Variants in DAAM1 observed in about 807,000 individuals in gnomAD.
DAAM1 encodes the protein dishevelled associated activator of morphogenesis 1.
Under a neutral mutation model 130.0 loss-of-function variants are expected in DAAM1, and 52 were observed. That is an observed-to-expected ratio of 0.40 (90% CI 0.32 to 0.50). The LOEUF (loss-of-function observed/expected upper bound fraction) is 0.50. DAAM1 is among the 20% of genes least tolerant of loss of function. The pLI, the probability that DAAM1 is intolerant of heterozygous loss-of-function variation, is 0.61. For synonymous variants in DAAM1, 452 were observed against 444.5 expected (o/e 1.02, Z -0.21); for missense variants, 1,134 against 1,303.8 (o/e 0.87, Z 2.01).
chr14:59,306,082 G>GTTT (rs11458250), intron 3 of DAAM1, among the ~76,000 whole-genome samples: 2 of 150,056 alleles, frequency 1.3e-5, no homozygotes, highest in Admixed American at 6.6e-5. Context: ...CTTGACTGTT[G>GTTT]TTTTTTTTTT....
rs748721240 is a variant in DAAM1 at position 59,326,996 on chromosome 14, A to G, written c.1372+5A>G. 6.2e-7 allele frequency: 1 copy of G among 1,613,996 alleles called. No individual in the cohort carries two copies. The highest frequency in any genetic ancestry group is 1.7e-4 in the Middle Eastern group (1 of 6,058). ...AAGCGGAAAAAATGAGAAAAGGTAA[A>G]TAATGAGGCCCTGATAAGAGGCTGT... On this transcript the variant is annotated splice_donor_5th_base_variant and intron_variant, in intron 12 of 24. Transcript: ENST00000360909.
Position 59,326,538 on chromosome 14 carries a change from C to T in DAAM1, c.1203C>T (p.Tyr401=), listed in dbSNP as rs776856269. 7.4e-6 allele frequency: 12 copies of T among 1,613,038 alleles called. No homozygotes were observed. In the Middle Eastern group the frequency reaches 4.9e-4, roughly 66 times the overall value. Reference sequence around the variant, plus strand: ...AGAGGAGTGGCAACACTGTTCAGTACTGGCTACTACTAGATAGAATTATAC... The same window carrying T: ...AGAGGAGTGGCAACACTGTTCAGTATTGGCTACTACTAGATAGAATTATAC... The part of the protein sequence containing the change: ...PYKRSGNTVQ[Y]WLLLDRIIQQ... Residue 401 remains tyrosine, a synonymous_variant, in exon 11 of 25, where the codon TAC becomes TAT. Coordinates refer to ENST00000360909, the MANE Select transcript of DAAM1 (RefSeq NM_001270520.2).
At chr14:59,304,504 GT>G (rs1208734388) in intron 3 of DAAM1, among the ~76,000 whole-genome samples, 1 of 152,148 alleles carries the variant, frequency 6.6e-6, no homozygotes, top group Non-Finnish European at 1.5e-5. Flanking sequence ...CCACCCTTAA[GT>G]TACAGTGTCT....
At chr14:59,304,329 C>T (rs747458211) in intron 3 of DAAM1, among the ~76,000 whole-genome samples, 2 of 152,244 alleles carry the variant, frequency 1.3e-5, no homozygotes, top group African/African-American at 4.8e-5. Flanking sequence ...CCATTCTTTG[C>T]GCATTTCAGA....
intron 16 of DAAM1, among the ~76,000 whole-genome samples, chr14:59,342,829 T>A (rs994899753): frequency 6.6e-6 from 1 of 152,052 alleles, no homozygotes; most frequent in African/African-American, 2.4e-5. Flanking sequence ...AGGCAAAGAC[T>A]GTTATATGAC....
intron 2 of DAAM1, among the ~76,000 whole-genome samples, chr14:59,289,469 A>T (rs1465937349): frequency 6.6e-6 from 1 of 152,170 alleles, no homozygotes. Flanking sequence ...TTTAAAAGTC[A>T]AAGAACAACA....
chr14:59,259,216 A>G (rs971314307), intron 1 of DAAM1, among the ~76,000 whole-genome samples: 1 of 152,160 alleles, frequency 6.6e-6, no homozygotes, highest in African/African-American at 2.4e-5. Context: ...GACATGTGCC[A>G]TGTCACTTTT....
Position 59,359,346 on chromosome 14 carries a change from T to C in DAAM1, c.2526-51T>C, listed in dbSNP as rs1490411283. ...TTAACTATTCATATATTTATGTAGT[T>C]TAAATGAAAATAATTTGAATGTTTA... On this transcript the variant is annotated intron_variant, in intron 20 of 24. Transcript: ENST00000360909. The C allele has an allele frequency of 4.5e-6, 6 of 1,337,240 alleles. No individual in the cohort carries two copies. The Admixed American group carries it at 1.1e-4, about 24-fold the overall frequency. The allele number at this position is 1,337,240 out of a possible 1,614,324, so 82.8% of individuals were successfully genotyped here.
intron 2 of DAAM1, among the ~76,000 whole-genome samples, chr14:59,274,329 C>T (rs1181101398): frequency 6.6e-6 from 1 of 152,014 alleles, no homozygotes; most frequent in Non-Finnish European, 1.5e-5. Flanking sequence ...GTATATATAA[C>T]ATAAATATGA....
At chr14:59,366,011 A>C (rs892380336) in intron 23 of DAAM1, among the ~76,000 whole-genome samples, 2 of 151,704 alleles carry the variant, frequency 1.3e-5, no homozygotes, top group Non-Finnish European at 3.0e-5. Flanking sequence ...CTAAAAAGAG[A>C]CTGGATATAC....
At chr14:59,196,967 C>T (rs934787128) in intron 1 of DAAM1, among the ~76,000 whole-genome samples, 4 of 152,068 alleles carry the variant, frequency 2.6e-5, no homozygotes, top group Non-Finnish European at 5.9e-5. Context: ...GTCGCCCAGG[C>T]TGGAGTGCAG....
chr14:59,354,034 G>A (rs1886381892), intron 19 of DAAM1, 70 bp downstream of exon 19: 2 of 1,431,074 alleles, frequency 1.4e-6, no homozygotes, highest in Non-Finnish European at 1.9e-6. Flanking sequence ...CAATCCAAGT[G>A]CATATAGTAA....
chr14:59,271,886 C>G (rs147882272), intron 2 of DAAM1, among the ~76,000 whole-genome samples: 2 of 151,976 alleles, frequency 1.3e-5, no homozygotes, highest in Non-Finnish European at 2.9e-5. Flanking sequence ...TAGAAAGTAA[C>G]CTACAGGAGC....
chr14:59,293,424 A>G (rs1021902371), intron 3 of DAAM1, among the ~76,000 whole-genome samples: 15 of 152,300 alleles, frequency 9.8e-5, no homozygotes, highest in South Asian at 2.1e-4. Flanking sequence ...TCAAGTGTGC[A>G]TGATGGGGGG....
In DAAM1 at chr14:59,197,451, C is replaced by T. The variant is rs138780960; in HGVS notation, c.-38+8683C>T. Among the ~76,000 whole-genome samples the T allele has an allele frequency of 2.0e-4, 31 of 152,240 alleles. 1 individual carries two copies. The highest frequency in any genetic ancestry group is 5.3e-4 in the African/African-American group (22 of 41,546). On this transcript the variant is annotated intron_variant, in intron 1 of 24. Coordinates refer to ENST00000360909, the MANE Select transcript of DAAM1 (RefSeq NM_001270520.2). ...ATTGAAGCCAATGGCTGAGACTGAC[C>T]GCACCATGTTCTCAGAAGGTTAAAT...
chr14:59,278,083 G>A (rs965170650), intron 2 of DAAM1, among the ~76,000 whole-genome samples: 2 of 152,094 alleles, frequency 1.3e-5, no homozygotes, highest in African/African-American at 4.8e-5. Flanking sequence ...ATAACAATAG[G>A]TTGTAATAAA....
chr14:59,302,474 A>T (rs1372823768), intron 3 of DAAM1, among the ~76,000 whole-genome samples: 1 of 152,066 alleles, frequency 6.6e-6, no homozygotes, highest in Non-Finnish European at 1.5e-5. Flanking sequence ...CTCCCTCAGC[A>T]TTCACTCAGG....
intron 1 of DAAM1, among the ~76,000 whole-genome samples, chr14:59,237,080 G>A (rs148350009): frequency 2.0e-5 from 3 of 152,150 alleles, no homozygotes; most frequent in South Asian, 2.1e-4. Flanking sequence ...CCCTTGGGCC[G>A]CAATTTGCAC....
intron 15 of DAAM1, among the ~76,000 whole-genome samples, chr14:59,335,230 AT>A (rs942187750): frequency 6.6e-6 from 1 of 152,000 alleles, no homozygotes; most frequent in East Asian, 1.9e-4. Flanking sequence ...CCTATTCAGA[AT>A]TTTTTTTCAG....
Sources: allele counts gnomAD v4.1 joint callset (sites outside exome capture counted in the v4.1 genomes callset), GRCh38; gene constraint gnomAD v4.1.1; transcripts MANE v1.5; gene names NCBI Gene and HGNC (gene_info 2026-07-23, HGNC 2026-07-21).